KCNMB2: variants seen among roughly 807,000 people sequenced by gnomAD.
KCNMB2 encodes the protein calcium-activated potassium channel subunit beta-2.
In KCNMB2, 9 loss-of-function variants were observed where a neutral mutation model predicts 24.5. The observed-to-expected ratio is 0.37, with a 90% CI of 0.22 to 0.64. KCNMB2 has a LOEUF of 0.64. Among genes scored for constraint, KCNMB2 ranks in the 30% least tolerant of loss-of-function variants. KCNMB2 has a pLI of 0.63. For missense variants in KCNMB2, 226 were observed against 284.3 expected (o/e 0.79, Z 1.47); for synonymous variants, 109 against 104.4 (o/e 1.04, Z -0.27).
At chr3:178,562,446 A>G (rs1716356525) in intron 1 of KCNMB2, among the ~76,000 whole-genome samples, 1 of 152,188 alleles carries the variant, frequency 6.6e-6, no homozygotes, top group African/African-American at 2.4e-5. Flanking sequence ...TAGCGGTGAA[A>G]AAGCAGATAA....
chr3:178,746,201 T>C (rs1723660767), intron 1 of KCNMB2, among the ~76,000 whole-genome samples: 1 of 152,188 alleles, frequency 6.6e-6, no homozygotes, highest in South Asian at 2.1e-4. Flanking sequence ...TCTTCTGAAA[T>C]CTAGGTAGAG....
chr3:178,540,818 C>A (rs1560102952), intron 1 of KCNMB2, among the ~76,000 whole-genome samples: 2 of 152,166 alleles, frequency 1.3e-5, no homozygotes, highest in Non-Finnish European at 2.9e-5. Flanking sequence ...ACCATATTAT[C>A]CCCAGGACAT....
intron 1 of KCNMB2, among the ~76,000 whole-genome samples, chr3:178,622,260 T>G (rs1718950583): frequency 1.3e-5 from 2 of 152,198 alleles, no homozygotes; most frequent in Non-Finnish European, 2.9e-5. Flanking sequence ...GCAGAGTGCC[T>G]GGACACAGTG....
chr3:178,704,139 GA>G (rs1722199447), intron 1 of KCNMB2, among the ~76,000 whole-genome samples: 1 of 151,994 alleles, frequency 6.6e-6, no homozygotes, highest in South Asian at 2.1e-4. Flanking sequence ...ATCTTCCAGG[GA>G]AAACAACCAG....
chr3:178,789,088 G>T (rs1485426862), intron 1 of KCNMB2, among the ~76,000 whole-genome samples: 1 of 152,234 alleles, frequency 6.6e-6, no homozygotes, highest in Non-Finnish European at 1.5e-5. Context: ...GTGACAGAAT[G>T]AAGATTAGGA....
chr3:178,631,416 A>C lies in KCNMB2; in HGVS notation c.-68+94705A>C, dbSNP rs531870563. On this transcript the variant is annotated intron_variant, in intron 1 of 4. Transcript: ENST00000452583. ...GGACCCAAGCCACATAGCTATTAAT[A>C]AAAGGACATGAATGCATTTTACCCC... is the stretch of plus-strand genomic sequence containing the variant. 2.5e-4 allele frequency among the ~76,000 whole-genome samples: 38 copies of C among 152,340 alleles called. 1 individual carries two copies. The South Asian group carries it at 7.5e-3, about 30-fold the overall frequency.
chr3:178,572,225 A>T (rs981703470), intron 1 of KCNMB2, among the ~76,000 whole-genome samples: 40 of 152,194 alleles, frequency 2.6e-4, no homozygotes, highest in African/African-American at 9.6e-4. Flanking sequence ...TATAGAGAGA[A>T]GAGACTTTCT....
chr3:178,603,365 G>C (rs1718160655), intron 1 of KCNMB2, among the ~76,000 whole-genome samples: 1 of 152,090 alleles, frequency 6.6e-6, no homozygotes, highest in African/African-American at 2.4e-5. Flanking sequence ...AAGGTATGGA[G>C]ATAGAGATTA....
intron 1 of KCNMB2, among the ~76,000 whole-genome samples, chr3:178,689,008 A>T (rs1398084492): frequency 2.0e-5 from 3 of 152,208 alleles, no homozygotes; most frequent in Non-Finnish European, 4.4e-5. Context: ...AAAAGAAACT[A>T]AACTTATCAT....
intron 1 of KCNMB2, among the ~76,000 whole-genome samples, chr3:178,699,982 G>A (rs191630230): frequency 6.6e-6 from 1 of 152,304 alleles, no homozygotes; most frequent in African/African-American, 2.4e-5. Flanking sequence ...GTTCAAAAAT[G>A]AGTCCCAGTG....
chr3:178,746,245 T>C (rs191638873), intron 1 of KCNMB2, among the ~76,000 whole-genome samples: 8 of 152,314 alleles, frequency 5.3e-5, no homozygotes, highest in Non-Finnish European at 7.4e-5. Context: ...TTCTGTGTAC[T>C]GGCAGTCTCA....
chr3:178,625,203 GC>G lies in KCNMB2; in HGVS notation c.-68+88495del, dbSNP rs1719069472. ...CTCTTGGGGTCCCTGAAACAAGTGG[GC>G]CCTGCCACCCAAGCCAGTGCCACAG... On this transcript the variant is annotated intron_variant, in intron 1 of 4. Coordinates refer to ENST00000452583, the MANE Select transcript of KCNMB2 (RefSeq NM_181361.3). Among the ~76,000 whole-genome samples, 3 of 152,202 alleles carry G rather than the reference GC, an allele frequency of 2.0e-5. No individual in the cohort carries two copies. In the South Asian group the frequency reaches 6.2e-4, roughly 32 times the overall value.
At chr3:178,580,331 G>A (rs1232951580) in intron 1 of KCNMB2, among the ~76,000 whole-genome samples, 1 of 152,116 alleles carries the variant, frequency 6.6e-6, no homozygotes, top group Non-Finnish European at 1.5e-5. Flanking sequence ...AGCCCTTCAT[G>A]CTAAAAACTC....
At chr3:178,636,822 T>G (rs1244397579) in intron 1 of KCNMB2, among the ~76,000 whole-genome samples, 2 of 112,068 alleles carry the variant, frequency 1.8e-5, no homozygotes. Flanking sequence ...CGTGGTGGTT[T>G]GCTGCACAGA....
intron 1 of KCNMB2, among the ~76,000 whole-genome samples, chr3:178,565,942 T>G (rs1716501980): frequency 6.6e-6 from 1 of 152,116 alleles, no homozygotes; most frequent in South Asian, 2.1e-4. Flanking sequence ...TATAAAAAAT[T>G]CAGAAATATG....
At position 178,540,174 on chromosome 3, in the gene KCNMB2, A is replaced by G. The variant is rs748728979; in HGVS notation, c.-68+3463A>G. Among the ~76,000 whole-genome samples the G allele has an allele frequency of 9.8e-4, 150 of 152,288 alleles. 1 individual carries two copies. The highest frequency in any genetic ancestry group is 1.4e-3 in the South Asian group (7 of 4,828). On this transcript the variant is annotated intron_variant, in intron 1 of 4. Coordinates refer to ENST00000452583, the MANE Select transcript of KCNMB2 (RefSeq NM_181361.3). ...CACTGTTGCACTTGCTCAGAAGAAA[A>G]ACCTTGGAGTCCTCTGTGATCCTCT...
intron 2 of KCNMB2, among the ~76,000 whole-genome samples, chr3:178,812,285 G>A (rs147042326): frequency 5.3e-5 from 8 of 151,428 alleles, no homozygotes; most frequent in East Asian, 1.9e-4. Flanking sequence ...TGTGCACAAC[G>A]TGCAGGTTTG....
intron 1 of KCNMB2, among the ~76,000 whole-genome samples, chr3:178,565,082 T>A (rs1160662751): frequency 6.6e-6 from 1 of 152,140 alleles, no homozygotes. Context: ...AAAAATTAAC[T>A]TTTTATTAAT....
At chr3:178,553,375 C>G (rs549403947) in intron 1 of KCNMB2, among the ~76,000 whole-genome samples, 3 of 152,236 alleles carry the variant, frequency 2.0e-5, no homozygotes, top group South Asian at 4.1e-4. Flanking sequence ...TTGGCCAACA[C>G]AGACTTTTAA....
Sources: allele counts gnomAD v4.1 joint callset (sites outside exome capture counted in the v4.1 genomes callset), GRCh38; gene constraint gnomAD v4.1.1; transcripts MANE v1.5; gene names NCBI Gene and HGNC (gene_info 2026-07-23, HGNC 2026-07-21).